ASCC3: variants seen among roughly 807,000 people sequenced by gnomAD.
The protein encoded by ASCC3 is activating signal cointegrator 1 complex subunit 3.
Under a neutral mutation model 256.3 loss-of-function variants are expected in ASCC3, and 158 were observed. The ratio of observed to expected loss-of-function variants is 0.62; its 90% CI spans 0.54 to 0.70. ASCC3 has a LOEUF of 0.70. Ranked by LOEUF, ASCC3 falls within the 30% of genes least tolerant of loss-of-function variation. The pLI is 0.00. For synonymous variants in ASCC3, 948 were observed against 883.4 expected (o/e 1.07, Z -1.30); for missense variants, 2,259 against 2,626.0 (o/e 0.86, Z 3.05).
chr6:100,616,470 A>T (rs1020028870), intron 30 of ASCC3, among the ~76,000 whole-genome samples: 4 of 152,218 alleles, frequency 2.6e-5, no homozygotes, highest in African/African-American at 9.6e-5. Flanking sequence ...TGTTCTGTAT[A>T]ATTTAGAAGA....
intron 13 of ASCC3, among the ~76,000 whole-genome samples, chr6:100,711,466 C>T (rs774425949): frequency 1.3e-4 from 20 of 152,178 alleles, no homozygotes; most frequent in Non-Finnish European, 2.2e-4. Flanking sequence ...GTGGCTCACG[C>T]CTGTAATCCC....
At chr6:100,584,514 C>A (rs986813736) in intron 36 of ASCC3, among the ~76,000 whole-genome samples, 3 of 152,088 alleles carry the variant, frequency 2.0e-5, no homozygotes, top group Admixed American at 1.3e-4. Flanking sequence ...GAACACAGCA[C>A]GCTGATGGGT....
intron 8 of ASCC3, among the ~76,000 whole-genome samples, chr6:100,795,248 T>C (rs372757211): frequency 2.6e-5 from 4 of 152,008 alleles, no homozygotes; most frequent in African/African-American, 9.7e-5. Context: ...ACGGTCATGT[T>C]TGCTGCTTCT....
At chr6:100,659,498 T>C (rs1000003555) in intron 16 of ASCC3, among the ~76,000 whole-genome samples, 10 of 151,490 alleles carry the variant, frequency 6.6e-5, no homozygotes, top group African/African-American at 2.2e-4. Flanking sequence ...TTAAATACCA[T>C]TTACATCACT....
chr6:100,789,335 G>A (rs1286807910), intron 8 of ASCC3, among the ~76,000 whole-genome samples: 1 of 151,954 alleles, frequency 6.6e-6, no homozygotes, highest in Non-Finnish European at 1.5e-5. Flanking sequence ...ACAGACAACT[G>A]GAGACTCAAA....
intron 3 of ASCC3, chr6:100,859,061 A>T (rs751865895): frequency 1.0e-5 from 8 of 770,230 alleles, no homozygotes; most frequent in Non-Finnish European, 1.9e-5. Context: ...TAATAGTCAA[A>T]TATTCAGATT....
At chr6:100,699,616 T>G (rs1460784679) in intron 13 of ASCC3, among the ~76,000 whole-genome samples, 1 of 151,996 alleles carries the variant, frequency 6.6e-6, no homozygotes. Context: ...TCAGAACAGT[T>G]TGGTGGGTAC....
At chr6:100,706,726 C>A (rs1183932959) in intron 13 of ASCC3, among the ~76,000 whole-genome samples, 1 of 152,022 alleles carries the variant, frequency 6.6e-6, no homozygotes, top group Admixed American at 6.6e-5. Flanking sequence ...GGCAGATCAA[C>A]CTGCAAGTAG....
At chr6:100,676,014 A>AT (rs1447881425) in intron 14 of ASCC3, among the ~76,000 whole-genome samples, 1 of 152,180 alleles carries the variant, frequency 6.6e-6, no homozygotes, top group African/African-American at 2.4e-5. Context: ...TATATACTTA[A>AT]TTTTATAAAT....
At chr6:100,565,891 C>A (rs1468010667) in intron 36 of ASCC3, among the ~76,000 whole-genome samples, 1 of 152,076 alleles carries the variant, frequency 6.6e-6, no homozygotes, top group African/African-American at 2.4e-5. Context: ...GATTACTTGG[C>A]AGCATAATAG....
chr6:100,585,314 CTTCAT>C (rs1205115682), intron 36 of ASCC3, among the ~76,000 whole-genome samples: 1 of 152,134 alleles, frequency 6.6e-6, no homozygotes, highest in East Asian at 1.9e-4. Context: ...TCCCTTCTCG[CTTCAT>C]TTCATTAATT....
At chr6:100,575,640 T>C (rs1770818797) in intron 36 of ASCC3, among the ~76,000 whole-genome samples, 1 of 152,106 alleles carries the variant, frequency 6.6e-6, no homozygotes, top group Non-Finnish European at 1.5e-5. Flanking sequence ...AGAATTTCAC[T>C]ACTTTTAATA....
intron 8 of ASCC3, among the ~76,000 whole-genome samples, chr6:100,776,087 ATT>A (rs1471560067): frequency 2.6e-5 from 4 of 152,210 alleles, no homozygotes; most frequent in African/African-American, 9.6e-5. Context: ...AATAATATTT[ATT>A]GTTTTATTTA....
intron 10 of ASCC3, among the ~76,000 whole-genome samples, chr6:100,736,139 C>T (rs1056258985): frequency 2.1e-5 from 3 of 142,328 alleles, no homozygotes; most frequent in East Asian, 2.0e-4. Context: ...ATTATCGATA[C>T]CACAATATTG....
At chr6:100,721,110 G>A (rs764041477) in intron 11 of ASCC3, among the ~76,000 whole-genome samples, 1 of 151,340 alleles carries the variant, frequency 6.6e-6, no homozygotes, top group Admixed American at 6.6e-5. Flanking sequence ...ATACAGAAAG[G>A]ATTAGCACTA....
At chr6:100,614,548 G>A (rs192203113) in intron 30 of ASCC3, among the ~76,000 whole-genome samples, 63 of 152,226 alleles carry the variant, frequency 4.1e-4, no homozygotes, top group Admixed American at 9.8e-4. Flanking sequence ...GAGATGGCGC[G>A]CAGAGATTAA....
At chr6:100,794,251 C>A (rs907418344) in intron 8 of ASCC3, among the ~76,000 whole-genome samples, 4 of 152,016 alleles carry the variant, frequency 2.6e-5, no homozygotes, top group African/African-American at 9.7e-5. Flanking sequence ...TGAGTGTAAA[C>A]CTCTTAGCAT....
In ASCC3 at chr6:100,627,983, C is replaced by T. The variant is rs1774325441; in HGVS notation, c.4380G>A (p.Glu1460=). 3 of 1,613,046 alleles carry T rather than the reference C, an allele frequency of 1.9e-6. No individual in the cohort carries two copies. The highest frequency in any genetic ancestry group is 2.7e-5 in the African/African-American group (2 of 74,752). ...LIIDEIHLLG[E]ERGPVLEVIV... is the part of the protein sequence containing the mutation. The stretch of plus-strand genomic sequence containing the variant: ...TGACCTCTAGAACAGGGCCTCTTTC[C>T]TCCCCTAGAAAATAGGGAAAAATCA... The change falls in exon 28 of 42, where the codon GAG becomes GAA. Residue 1460 remains glutamate, a synonymous_variant. Coordinates refer to ENST00000369162, the MANE Select transcript of ASCC3 (RefSeq NM_006828.4).
chr6:100,608,174 A>ATG (rs1773077114), intron 30 of ASCC3, among the ~76,000 whole-genome samples: 3 of 41,844 alleles, frequency 7.2e-5, no homozygotes, highest in Non-Finnish European at 1.4e-4. Context: ...ATACATATTT[A>ATG]TATATGTGTG....
Sources: allele counts gnomAD v4.1 joint callset (sites outside exome capture counted in the v4.1 genomes callset), GRCh38; gene constraint gnomAD v4.1.1; transcripts MANE v1.5; gene names NCBI Gene and HGNC (gene_info 2026-07-23, HGNC 2026-07-21).